LARP4: variants seen among roughly 807,000 people sequenced by gnomAD.
LARP4 encodes the protein la-related protein 4.
LARP4 carries 29 observed loss-of-function variants against 92.9 expected under a neutral mutation model. That is an observed-to-expected ratio of 0.31 (90% CI 0.23 to 0.43). The LOEUF is 0.43. Ranked by LOEUF, LARP4 falls within the 20% of genes least tolerant of loss-of-function variation. The pLI is 1.00. For synonymous variants in LARP4, 279 were observed against 284.1 expected (o/e 0.98, Z 0.18); for missense variants, 732 against 860.0 (o/e 0.85, Z 1.86).
intron 13 of LARP4, among the ~76,000 whole-genome samples, chr12:50,467,800 A>G (rs1163236121): frequency 6.6e-6 from 1 of 151,958 alleles, no homozygotes; most frequent in Non-Finnish European, 1.5e-5. Context: ...ACCTCTCCAT[A>G]TCAGAAATCC....
intron 8 of LARP4, among the ~76,000 whole-genome samples, chr12:50,449,480 A>G (rs1468735106): frequency 1.3e-5 from 2 of 152,072 alleles, no homozygotes; most frequent in Admixed American, 6.5e-5. Context: ...TTTTAAAGAC[A>G]TGGCTATCAT....
chr12:50,458,385 C>T (rs1489687333), intron 10 of LARP4, among the ~76,000 whole-genome samples: 1 of 152,100 alleles, frequency 6.6e-6, no homozygotes, highest in Non-Finnish European at 1.5e-5. Context: ...CCGCCTTGGC[C>T]TCCCAAAGTG....
chr12:50,427,287 A>G (rs1948942306), intron 1 of LARP4, among the ~76,000 whole-genome samples: 1 of 152,186 alleles, frequency 6.6e-6, no homozygotes, highest in African/African-American at 2.4e-5. Context: ...GAAAAAATAC[A>G]CAAGTGTCTC....
At chr12:50,436,011 G>A (rs1415731672) in intron 5 of LARP4, among the ~76,000 whole-genome samples, 1 of 150,510 alleles carries the variant, frequency 6.6e-6, no homozygotes, top group Non-Finnish European at 1.5e-5. Flanking sequence ...TTCTTTGGCT[G>A]AGTCAGTCCT....
At chr12:50,417,921 C>T (rs138270502) in intron 1 of LARP4, among the ~76,000 whole-genome samples, 1 of 152,104 alleles carries the variant, frequency 6.6e-6, no homozygotes, top group East Asian at 1.9e-4. Context: ...AGTGTAATGG[C>T]GCGATCTTGG....
intron 5 of LARP4, among the ~76,000 whole-genome samples, chr12:50,436,510 A>G (rs1395382748): frequency 6.6e-6 from 1 of 152,222 alleles, no homozygotes; most frequent in African/African-American, 2.4e-5. Flanking sequence ...AATATACACC[A>G]TATACCTACA....
chr12:50,451,442 A>C (rs187802055), intron 8 of LARP4, among the ~76,000 whole-genome samples: 3 of 152,270 alleles, frequency 2.0e-5, no homozygotes, highest in African/African-American at 7.2e-5. Context: ...TCATGCCTGT[A>C]ATCTCAGCAC....
rs867348511 is a variant in LARP4 at position 50,446,433 on chromosome 12, T to A, written c.804+4790T>A. 5.6e-4 allele frequency among the ~76,000 whole-genome samples: 39 copies of A among 69,314 alleles called. 7 individuals are homozygous for A. The highest frequency in any genetic ancestry group is 2.4e-3 in the African/African-American group (26 of 10,660). 45.5% of individuals were successfully genotyped at this position (69,314 alleles called of 152,430 possible). On this transcript the variant is annotated intron_variant, in intron 8 of 15. Coordinates refer to ENST00000398473, the MANE Select transcript of LARP4 (RefSeq NM_052879.5). ...TCTATATATATATATATATATATTT[T>A]TTTTTTTTTTTATAGACGGAGTCTC... is the stretch of plus-strand genomic sequence containing the variant.
intron 8 of LARP4, among the ~76,000 whole-genome samples, chr12:50,442,069 T>A (rs1951297086): frequency 6.6e-6 from 1 of 152,046 alleles, no homozygotes; most frequent in South Asian, 2.1e-4. Context: ...AACAACAAAT[T>A]TTCTGGCTTG....
At chr12:50,401,876 A>G (rs1010896487) in intron 1 of LARP4, among the ~76,000 whole-genome samples, 1 of 152,234 alleles carries the variant, frequency 6.6e-6, no homozygotes, top group African/African-American at 2.4e-5. Flanking sequence ...CCTTACAGAA[A>G]TACGAAATTT....
chr12:50,410,494 C>T (rs1370249289), intron 1 of LARP4, among the ~76,000 whole-genome samples: 1 of 151,790 alleles, frequency 6.6e-6, no homozygotes, highest in African/African-American at 2.4e-5. Context: ...CAGTCACCAC[C>T]TCCTGGGTTC....
chr12:50,402,463 A>G (rs1263570525), intron 1 of LARP4, among the ~76,000 whole-genome samples: 2 of 152,170 alleles, frequency 1.3e-5, no homozygotes, highest in African/African-American at 2.4e-5. Context: ...AAGGAATGTT[A>G]TGCTATGTAA....
At chr12:50,430,058 T>C (rs886705914) in intron 3 of LARP4, among the ~76,000 whole-genome samples, 2 of 152,278 alleles carry the variant, frequency 1.3e-5, no homozygotes, top group Non-Finnish European at 2.9e-5. Context: ...GACTTTGAAC[T>C]GTCCAAATTA....
At chr12:50,470,014 G>T (rs1349158487) in intron 13 of LARP4, among the ~76,000 whole-genome samples, 2 of 151,618 alleles carry the variant, frequency 1.3e-5, no homozygotes, top group Non-Finnish European at 2.9e-5. Context: ...GAGCCCAGGA[G>T]TTCGAGACCA....
At position 50,479,853 on chromosome 12, in the gene LARP4, T is replaced by G. The variant is rs1403662227; in HGVS notation, c.*3989T>G. On this transcript the variant is annotated 3_prime_UTR_variant, in exon 16 of 16. Coordinates refer to ENST00000398473, the MANE Select transcript of LARP4 (RefSeq NM_052879.5). ...CGATTGCTTAGATTTGTTCCTGTTG[T>G]CAAAACTGTTACCCCCAAAATTGGT... 1 of 152,500 alleles carries G rather than the reference T, an allele frequency of 6.6e-6. No individual in the cohort carries two copies. Among genetic ancestry groups the G allele is most frequent in the East Asian group, 1.9e-4 (1 of 5,196 alleles). The allele number at this position is 152,500 out of a possible 1,614,324, so 9.4% of individuals were successfully genotyped here.
intron 8 of LARP4, among the ~76,000 whole-genome samples, chr12:50,450,291 A>G (rs1952959588): frequency 6.6e-6 from 1 of 152,054 alleles, no homozygotes. Context: ...CCAGGCTCTT[A>G]CACATTTCAT....
Position 50,423,429 on chromosome 12 carries a change from A to G in LARP4, c.19-4333A>G, listed in dbSNP as rs149812020. Among the ~76,000 whole-genome samples, 379 of 152,224 alleles carry G rather than the reference A, an allele frequency of 2.5e-3. 1 individual carries two copies. Among genetic ancestry groups the G allele is most frequent in the African/African-American group, 8.4e-3 (350 of 41,536 alleles). ...GAATTGCCTTCCATTCAAAACTGAC[A>G]TGCTTTATAAAAAAATCTATGCAGT... On this transcript the variant is annotated intron_variant, in intron 1 of 15. Coordinates refer to ENST00000398473, the MANE Select transcript of LARP4 (RefSeq NM_052879.5).
Position 50,467,327 on chromosome 12 carries a change from CTTTG to C in LARP4, c.1545+211_1545+214del, listed in dbSNP as rs1440402080. ...AAAATGTTTCTTGGCTTTTGCATGT[CTTTG>C]TTTTTTTTTTTTTTAAAGACATGAT... is the stretch of plus-strand genomic sequence containing the variant. On this transcript the variant is annotated intron_variant, in intron 13 of 15. Transcript: ENST00000398473. Among the ~76,000 whole-genome samples, 14 of 148,596 alleles carry C rather than the reference CTTTG, an allele frequency of 9.4e-5. No individual in the cohort carries two copies. The East Asian group carries it at 2.4e-3, about 25-fold the overall frequency.
chr12:50,447,579 T>C (rs1279932483), intron 8 of LARP4, among the ~76,000 whole-genome samples: 1 of 152,158 alleles, frequency 6.6e-6, no homozygotes, highest in Non-Finnish European at 1.5e-5. Flanking sequence ...TTATTTATTT[T>C]ATTTTATTTT....
Sources: allele counts gnomAD v4.1 joint callset (sites outside exome capture counted in the v4.1 genomes callset), GRCh38; gene constraint gnomAD v4.1.1; transcripts MANE v1.5; gene names NCBI Gene and HGNC (gene_info 2026-07-23, HGNC 2026-07-21).